CC2D2A: variants seen among roughly 807,000 people sequenced by gnomAD.
CC2D2A encodes coiled-coil and C2 domain-containing protein 2A.
CC2D2A carries 155 observed loss-of-function variants against 212.9 expected under a neutral mutation model. The ratio of observed to expected loss-of-function variants is 0.73; its 90% confidence interval spans 0.64 to 0.83. CC2D2A has a LOEUF of 0.83. Among genes scored for constraint, CC2D2A ranks in the 40% least tolerant of loss-of-function variants. The probability of loss-of-function intolerance (pLI) is 0.00; values close to 1 mark genes in which losing one functional copy is unlikely to be tolerated. For missense variants in CC2D2A, 1,856 were observed against 1,956.2 expected (o/e 0.95, Z 0.97); for synonymous variants, 667 against 686.5 (o/e 0.97, Z 0.44).
Position 15,552,425 on chromosome 4 carries a change from T to C in CC2D2A, c.2339-733T>C, listed in dbSNP as rs552126692. On this transcript the variant is annotated intron_variant, in intron 18 of 36. Coordinates refer to ENST00000424120, the MANE Select transcript of CC2D2A (RefSeq NM_001378615.1). ...GCCATTTACTCAAAAGTCGCCTTCA[T>C]TGAGGCTTTCCTGGCCACCCCTTCT... Among the ~76,000 whole-genome samples the C allele has an allele frequency of 5.3e-5, 8 of 152,314 alleles. No homozygotes were observed. In the East Asian group the frequency reaches 5.8e-4, roughly 11 times the overall value.
At chr4:15,584,834 G>A (rs978958976) in intron 30 of CC2D2A, among the ~76,000 whole-genome samples, 6 of 152,098 alleles carry the variant, frequency 3.9e-5, no homozygotes, top group Non-Finnish European at 8.8e-5. Flanking sequence ...TTAAAAATTA[G>A]CAAAAGAGCT....
rs895549359 is a variant in CC2D2A, at chr4:15,517,148, C to T, written c.1149+392C>T. Reference sequence around the variant, plus strand: ...ATTTTTAGTAGAGATGGGGTTTCACCGTGTTAGCCAGGATGGTCTCGATCT... The same window carrying T: ...ATTTTTAGTAGAGATGGGGTTTCACTGTGTTAGCCAGGATGGTCTCGATCT... On this transcript the variant is annotated intron_variant, in intron 11 of 36. Transcript: ENST00000424120. 3.3e-5 allele frequency among the ~76,000 whole-genome samples: 5 copies of T among 151,718 alleles called. No homozygotes were observed. The South Asian group carries it at 8.3e-4, about 25-fold the overall frequency.
intron 11 of CC2D2A, among the ~76,000 whole-genome samples, chr4:15,527,207 C>T (rs1485630628): frequency 6.6e-6 from 1 of 152,170 alleles, no homozygotes; most frequent in African/African-American, 2.4e-5. Context: ...ACCTAAAAGA[C>T]TTAGGAAAGC....
At chr4:15,551,319 G>T (rs951666946) in intron 18 of CC2D2A, among the ~76,000 whole-genome samples, 2 of 152,180 alleles carry the variant, frequency 1.3e-5, no homozygotes, top group African/African-American at 4.8e-5. Flanking sequence ...GTACATCACA[G>T]TGTTGTTCAT....
intron 16 of CC2D2A, 150 bp downstream of exon 16, chr4:15,538,287 G>A (rs1463473028): frequency 1.1e-6 from 1 of 908,800 alleles, no homozygotes; most frequent in Non-Finnish European, 1.6e-6. Context: ...TGAATATTAG[G>A]TTGAACCACA....
chr4:15,589,911 A>G (rs1342488997), intron 33 of CC2D2A, among the ~76,000 whole-genome samples: 1 of 152,050 alleles, frequency 6.6e-6, no homozygotes, highest in African/African-American at 2.4e-5. Flanking sequence ...GAGAAGCAGA[A>G]TGACAAAGCA....
chr4:15,558,820 T>C (rs1052890525), intron 21 of CC2D2A, among the ~76,000 whole-genome samples: 2 of 152,216 alleles, frequency 1.3e-5, no homozygotes, highest in African/African-American at 4.8e-5. Flanking sequence ...TATGGTAATG[T>C]GTTAACTGAA....
chr4:15,484,659 T>G (rs571310900), intron 4 of CC2D2A, among the ~76,000 whole-genome samples: 1 of 152,272 alleles, frequency 6.6e-6, no homozygotes, highest in South Asian at 2.1e-4. Flanking sequence ...ACAAGAATTA[T>G]GAAAGCAGGA....
At chr4:15,542,344 G>A (rs576606661) in intron 17 of CC2D2A, among the ~76,000 whole-genome samples, 2 of 152,080 alleles carry the variant, frequency 1.3e-5, no homozygotes, top group Non-Finnish European at 2.9e-5. Context: ...TGTTAACTAG[G>A]ATTGCAGCTT....
At chr4:15,516,921 T>C (rs1432175587) in intron 11 of CC2D2A, among the ~76,000 whole-genome samples, 165 bp downstream of exon 11, 2 of 151,622 alleles carry the variant, frequency 1.3e-5, no homozygotes, top group Non-Finnish European at 2.9e-5. Context: ...AGAGTAAGTC[T>C]AATTATACTC....
intron 35 of CC2D2A, 26 bp downstream of exon 35, chr4:15,597,491 T>C (rs1361378963): frequency 4.6e-6 from 7 of 1,536,814 alleles, no homozygotes; most frequent in Non-Finnish European, 6.2e-6. Flanking sequence ...TAAATCCACA[T>C]GTAATCTGTC....
chr4:15,482,194 G>A (rs947938648), intron 4 of CC2D2A: 1 of 985,248 alleles, frequency 1.0e-6, no homozygotes, highest in Non-Finnish European at 1.2e-6. Context: ...TTGGAAAAAT[G>A]TGGTTCTAAT....
chr4:15,582,006 A>G (rs879781279), intron 30 of CC2D2A, among the ~76,000 whole-genome samples: 3 of 152,210 alleles, frequency 2.0e-5, no homozygotes, highest in Admixed American at 6.5e-5. Context: ...GAATCAGGCC[A>G]TAGTAACTCC....
rs191730903 is a variant in CC2D2A, at chr4:15,564,947, G to T, written c.3182+1425G>T. On this transcript the variant is annotated intron_variant, in intron 24 of 36. Transcript: ENST00000424120. ...CTGCCTCTGCCTCCCAAAGTGCTGG[G>T]ATTATAGGCATGAGCCACTGCACCC... Among the ~76,000 whole-genome samples, 752 of 152,312 alleles carry T rather than the reference G, an allele frequency of 4.9e-3. 2 individuals carry two copies. Among genetic ancestry groups the T allele is most frequent in the Non-Finnish European group, 8.0e-3 (546 of 68,024 alleles).
At position 15,597,274 on chromosome 4, in the gene CC2D2A, T is replaced by G. The variant is rs1193448513; in HGVS notation, c.4438-133T>G. 1.3e-4 allele frequency: 89 copies of G among 703,050 alleles called. 1 individual carries two copies. Among genetic ancestry groups the G allele is most frequent in the Non-Finnish European group, 1.0e-5 (4 of 397,252 alleles). 43.6% of individuals were successfully genotyped at this position (703,050 alleles called of 1,614,324 possible). A position where few individuals can be genotyped will look rare whatever the true frequency, so the allele number is the denominator to read the frequency against. ...TGTTTTACTTTTGGTGGGTCATGGGTACATCAGCATGCATTATATTATTTT... is the reference window on the plus strand; with the variant it reads ...TGTTTTACTTTTGGTGGGTCATGGGGACATCAGCATGCATTATATTATTTT... On this transcript the variant is annotated intron_variant, in intron 34 of 36. Transcript: ENST00000424120.
At chr4:15,601,212 G>A (rs966006767) in intron 36 of CC2D2A, 25 bp from the exon 37 acceptor site, 2 of 1,579,058 alleles carry the variant, frequency 1.3e-6, no homozygotes, top group Non-Finnish European at 1.7e-6. Context: ...CTTCACTAAT[G>A]ACTACAAATG....
Position 15,542,561 on chromosome 4 carries a change from C to CACAGG in CC2D2A, c.2181+1547_2181+1548insACAGG, listed in dbSNP as rs1407065422. Among the ~76,000 whole-genome samples the CACAGG allele has an allele frequency of 2.0e-4, 30 of 152,322 alleles. No homozygotes were observed. In the South Asian group the frequency reaches 6.0e-3, roughly 31 times the overall value. ...ATACAGTACTTCAGGTAGCCACTAC[C>CACAGG]TATTCCTAGTGAGTATGACTGACAA... On this transcript the variant is annotated intron_variant, in intron 17 of 36. Transcript: ENST00000424120.
At chr4:15,537,112 G>T in intron 15 of CC2D2A, 36 bp downstream of exon 15, 1 of 1,602,208 alleles carries the variant, frequency 6.2e-7, no homozygotes, top group Non-Finnish European at 8.5e-7. Context: ...AATAGGGCTG[G>T]CCAGGAAGTG....
At chr4:15,511,140 T>C (rs1716546147) in intron 7 of CC2D2A, 107 bp from the exon 8 acceptor site, 9 of 1,234,764 alleles carry the variant, frequency 7.3e-6, no homozygotes, top group Non-Finnish European at 9.8e-6. Context: ...TTCGGAGGCC[T>C]GGAATATGCC....
Sources: allele counts gnomAD v4.1 joint callset (sites outside exome capture counted in the v4.1 genomes callset), GRCh38; gene constraint gnomAD v4.1.1; transcripts MANE v1.5; gene names NCBI Gene and HGNC (gene_info 2026-07-23, HGNC 2026-07-21).